The following INVS variants were observed in gnomAD, a reference collection of about 807,000 sequenced individuals.
INVS encodes inversin.
A neutral mutation model predicts 108.8 loss-of-function variants in INVS; 86 were observed. The ratio of observed to expected loss-of-function variants is 0.79; its 90% confidence interval spans 0.66 to 0.95. The LOEUF is 0.95. Among genes scored for constraint, INVS ranks in the 40% least tolerant of loss-of-function variants. The pLI is 0.00. For missense variants in INVS, 1,169 were observed against 1,297.4 expected (o/e 0.90, Z 1.52); for synonymous variants, 455 against 473.5 (o/e 0.96, Z 0.51).
At position 100,131,353 on chromosome 9, in the gene INVS, T is replaced by C. The variant is rs369124943; in HGVS notation, c.273+4804T>C. ...ATATATATGTTTGTGGAAAAACTTA[T>C]TGAACTGTGCTGCTTGGCTTAGTTA... On this transcript the variant is annotated intron_variant, in intron 3 of 16. Coordinates refer to ENST00000262457, the MANE Select transcript of INVS (RefSeq NM_014425.5). Among the ~76,000 whole-genome samples, 10 of 152,330 alleles carry C rather than the reference T, an allele frequency of 6.6e-5. No individual in the cohort carries two copies. The East Asian group carries it at 7.7e-4, about 12-fold the overall frequency.
chr9:100,137,908 T>C (rs1828279307), intron 3 of INVS, among the ~76,000 whole-genome samples: 1 of 152,248 alleles, frequency 6.6e-6, no homozygotes, highest in Admixed American at 6.5e-5. Context: ...CAACAAATAC[T>C]AAATTTAAAC....
At chr9:100,253,635 A>G (rs1042678170) in intron 10 of INVS, among the ~76,000 whole-genome samples, 3 of 151,998 alleles carry the variant, frequency 2.0e-5, no homozygotes, top group East Asian at 3.9e-4. Context: ...TCATTGTTCA[A>G]TTCTCACCTA....
chr9:100,180,544 T>C (rs1829858574), intron 3 of INVS, among the ~76,000 whole-genome samples: 1 of 152,152 alleles, frequency 6.6e-6, no homozygotes, highest in Non-Finnish European at 1.5e-5. Context: ...ATTGGTAAAT[T>C]CCTGGACACA....
At chr9:100,256,151 G>T (rs989625836) in intron 10 of INVS, among the ~76,000 whole-genome samples, 1 of 151,974 alleles carries the variant, frequency 6.6e-6, no homozygotes, top group African/African-American at 2.4e-5. Flanking sequence ...GGGAGGGTAT[G>T]TGTGTCCAGG....
intron 3 of INVS, among the ~76,000 whole-genome samples, chr9:100,193,625 G>A (rs1173009377): frequency 6.6e-6 from 1 of 152,028 alleles, no homozygotes; most frequent in Non-Finnish European, 1.5e-5. Flanking sequence ...AGCAACCAGT[G>A]ATCTGTTTTC....
At chr9:100,133,594 C>G (rs1048570287) in intron 3 of INVS, among the ~76,000 whole-genome samples, 1 of 151,948 alleles carries the variant, frequency 6.6e-6, no homozygotes, top group African/African-American at 2.4e-5. Context: ...AATTAAAACT[C>G]CAATGAGATA....
At position 100,284,472 on chromosome 9, in the gene INVS, C is replaced by T; in HGVS notation, c.1937C>T (p.Ala646Val). Residue 646 changes from alanine (A) to valine (V), a missense_variant, in exon 13 of 17, where the codon GCT (alanine) becomes GTT (valine). Ala to Val is a moderately conservative substitution (Grantham distance 64). This residue lies in a region of INVS where 533 missense variants were observed against 536.0 expected (regional missense o/e 0.99). Coordinates refer to ENST00000262457, the MANE Select transcript of INVS (RefSeq NM_014425.5). ...CGGGCCCCCAGCAAGCAGCCTCCTG[C>T]TGGCAACGTGGCCCAAGGCCCTGAG... ...QSRAPSKQPPAGNVAQGPEPR... is the reference protein window; with the variant it reads ...QSRAPSKQPPVGNVAQGPEPR... The T allele has an allele frequency of 6.2e-7, 1 of 1,614,168 alleles. No homozygotes were observed. Among genetic ancestry groups the T allele is most frequent in the Middle Eastern group, 1.7e-4 (1 of 6,058 alleles).
intron 11 of INVS, 71 bp from the exon 12 acceptor site, chr9:100,272,793 A>G: frequency 1.5e-6 from 2 of 1,363,218 alleles, no homozygotes; most frequent in Non-Finnish European, 2.1e-6. Flanking sequence ...GCATAATAAT[A>G]TTTTCAGTTT....
At chr9:100,164,896 CTTTTTTTT>C (rs71498730) in intron 3 of INVS, among the ~76,000 whole-genome samples, 1 of 129,306 alleles carries the variant, frequency 7.7e-6, no homozygotes, top group African/African-American at 2.8e-5. Flanking sequence ...TTGGCTTTTT[CTTTTTTTT>C]TTTTTTTTTA....
At position 100,245,070 on chromosome 9, in the gene INVS, A is replaced by G. The variant is rs111581950; in HGVS notation, c.907-1546A>G. 2.2e-4 allele frequency among the ~76,000 whole-genome samples: 34 copies of G among 152,286 alleles called. 1 individual carries two copies. The highest frequency in any genetic ancestry group is 7.2e-4 in the African/African-American group (30 of 41,578). On this transcript the variant is annotated intron_variant, in intron 7 of 16. Coordinates refer to ENST00000262457, the MANE Select transcript of INVS (RefSeq NM_014425.5). ...AATACTGAGAATCAACATTTTATAC[A>G]TTTTTGATCAGATCACAGCCTCCAG...
Position 100,254,007 on chromosome 9 carries a change from G to C in INVS, c.1464+871G>C, listed in dbSNP as rs569641235. ...AGTCGCCACACTGTCTTCCACAATG[G>C]TTGAACTAGTTTACAGTCCCACCAA... On this transcript the variant is annotated intron_variant, in intron 10 of 16. Coordinates refer to ENST00000262457, the MANE Select transcript of INVS (RefSeq NM_014425.5). Among the ~76,000 whole-genome samples, 11 of 152,256 alleles carry C rather than the reference G, an allele frequency of 7.2e-5. No individual in the cohort carries two copies. In the East Asian group the frequency reaches 2.1e-3, roughly 29 times the overall value.
chr9:100,216,929 A>G (rs569319275), intron 3 of INVS, among the ~76,000 whole-genome samples: 46 of 152,294 alleles, frequency 3.0e-4, no homozygotes, highest in Non-Finnish European at 5.4e-4. Flanking sequence ...CCACCTGGGC[A>G]TGATCTCAGG....
chr9:100,177,724 C>T (rs539768394), intron 3 of INVS, among the ~76,000 whole-genome samples: 1 of 152,322 alleles, frequency 6.6e-6, no homozygotes, highest in South Asian at 2.1e-4. Flanking sequence ...ATGTTCCTGC[C>T]TGCTGGCTCT....
chr9:100,222,466 G>T (rs1166452385), intron 3 of INVS, among the ~76,000 whole-genome samples: 1 of 152,164 alleles, frequency 6.6e-6, no homozygotes, highest in Admixed American at 6.5e-5. Context: ...TACGAGCATT[G>T]TACTGTTATC....
intron 3 of INVS, among the ~76,000 whole-genome samples, chr9:100,165,069 G>A (rs1394528446): frequency 4.0e-5 from 6 of 151,134 alleles, no homozygotes; most frequent in Non-Finnish European, 8.8e-5. Flanking sequence ...CTAAAGACTT[G>A]ATCTGATTAT....
intron 3 of INVS, among the ~76,000 whole-genome samples, chr9:100,209,502 G>C (rs1830769038): frequency 6.6e-6 from 1 of 152,150 alleles, no homozygotes; most frequent in Non-Finnish European, 1.5e-5. Flanking sequence ...CGGGTGCAGT[G>C]GCTCATGCCT....
chr9:100,110,008 G>A (rs992038696), intron 2 of INVS, among the ~76,000 whole-genome samples: 8 of 152,144 alleles, frequency 5.3e-5, no homozygotes, highest in South Asian at 4.1e-4. Flanking sequence ...ATTTAGATAC[G>A]GAAGTGAGCC....
chr9:100,116,008 T>G (rs1445608625), intron 2 of INVS, among the ~76,000 whole-genome samples: 1 of 152,254 alleles, frequency 6.6e-6, no homozygotes, highest in African/African-American at 2.4e-5. Context: ...TGAGATGATA[T>G]CTCATTGTGG....
intron 11 of INVS, among the ~76,000 whole-genome samples, chr9:100,266,777 T>C (rs192484039): frequency 1.3e-5 from 2 of 152,280 alleles, no homozygotes; most frequent in East Asian, 1.9e-4. Flanking sequence ...TAGGTCTTTG[T>C]GTTAGTTTTC....
Sources: gnomAD v4.1 joint callset for allele counts (sites outside exome capture counted in the v4.1 genomes callset) on GRCh38, gnomAD v4.1.1 for gene constraint, gnomAD v4.1.1 regional missense constraint, MANE v1.5 for transcripts, NCBI Gene and HGNC (gene_info 2026-07-23, HGNC 2026-07-21) for gene names.